The following KIDINS220 variants were observed in gnomAD, a reference collection of about 807,000 sequenced individuals.
The protein encoded by KIDINS220 is kinase D-interacting substrate of 220 kDa.
KIDINS220 carries 63 observed loss-of-function variants against 157.6 expected under a neutral mutation model. The observed-to-expected ratio is 0.40, with a 90% confidence interval of 0.33 to 0.49. The LOEUF (loss-of-function observed/expected upper bound fraction) is 0.49, where lower values mean the gene tolerates loss of function less well. KIDINS220 is among the 20% of genes least tolerant of loss of function. KIDINS220 has a pLI of 0.66. For synonymous variants in KIDINS220, 732 were observed against 783.6 expected, an observed-to-expected ratio of 0.93 and a Z score of 1.10; for missense variants, 1,772 against 2,171.2, an observed-to-expected ratio of 0.82 and a Z score of 3.65.
intron 6 of KIDINS220, among the ~76,000 whole-genome samples, chr2:8,809,205 G>A (rs1487392638): frequency 6.6e-6 from 1 of 152,120 alleles, no homozygotes; most frequent in East Asian, 1.9e-4. Context: ...ATTTTTAGTA[G>A]AGATGGGGTT....
At chr2:8,751,384 G>T in intron 23 of KIDINS220, 82 bp downstream of exon 23, 2 of 1,211,852 alleles carry the variant, frequency 1.7e-6, no homozygotes, top group Non-Finnish European at 2.4e-6. Context: ...CATAGAGCAG[G>T]AGAAATGTAC....
intron 22 of KIDINS220, among the ~76,000 whole-genome samples, chr2:8,763,506 G>A (rs9789725): frequency 0.038 from 5,789 of 152,284 alleles, 212 homozygotes; most frequent in East Asian, 0.15. Flanking sequence ...AATGTGATAA[G>A]CTAGGTAAAG....
chr2:8,767,643 T>C (rs1315469187), intron 22 of KIDINS220, among the ~76,000 whole-genome samples: 3 of 151,496 alleles, frequency 2.0e-5, no homozygotes, highest in Non-Finnish European at 4.4e-5. Context: ...ACCCAGAAAA[T>C]GATGGAGAGA....
chr2:8,828,161 C>G (rs1480396195), intron 1 of KIDINS220, among the ~76,000 whole-genome samples: 2 of 152,194 alleles, frequency 1.3e-5, no homozygotes, highest in Non-Finnish European at 2.9e-5. Flanking sequence ...CCTACCACCC[C>G]CTCTCACCCT....
chr2:8,748,749 A>G (rs1263920424), intron 24 of KIDINS220, among the ~76,000 whole-genome samples: 1 of 152,190 alleles, frequency 6.6e-6, no homozygotes, highest in East Asian at 1.9e-4. Flanking sequence ...TTTTAACACT[A>G]AAAAATCTCA....
chr2:8,751,426 G>A (rs374689815), intron 23 of KIDINS220, 40 bp downstream of exon 23: 11 of 1,508,564 alleles, frequency 7.3e-6, no homozygotes, highest in Non-Finnish European at 1.0e-5. Context: ...AAAATTCTTA[G>A]AACTTTAGAT....
chr2:8,811,160 C>T lies in KIDINS220; in HGVS notation c.504+1235G>A, dbSNP rs116289732. Among the ~76,000 whole-genome samples, 420 of 152,108 alleles carry T rather than the reference C, an allele frequency of 2.8e-3. 3 individuals carry two copies. The highest frequency in any genetic ancestry group is 9.6e-3 in the African/African-American group (399 of 41,474). ...TTATGCACAGAATCTATTTCAATGA[C>T]GAAAAACAAATCTTTAAGTAATAGC... On this transcript the variant is annotated intron_variant, in intron 6 of 29. Coordinates refer to ENST00000256707, the MANE Select transcript of KIDINS220 (RefSeq NM_020738.4).
intron 22 of KIDINS220, among the ~76,000 whole-genome samples, chr2:8,752,395 G>A (rs1413544244): frequency 1.3e-5 from 2 of 152,016 alleles, no homozygotes; most frequent in South Asian, 2.1e-4. Context: ...CAATGAGTAC[G>A]GCCAGAATTC....
intron 7 of KIDINS220, among the ~76,000 whole-genome samples, chr2:8,804,291 T>C (rs1042234628): frequency 3.9e-5 from 6 of 152,240 alleles, no homozygotes; most frequent in African/African-American, 1.4e-4. Context: ...CAAGATCTGG[T>C]ACTGTCTCTT....
At chr2:8,784,002 A>C (rs1397437216) in intron 17 of KIDINS220, among the ~76,000 whole-genome samples, 1 of 152,176 alleles carries the variant, frequency 6.6e-6, no homozygotes, top group African/African-American at 2.4e-5. Context: ...GAGGACTGAC[A>C]CTACCCAACT....
chr2:8,741,872 T>C (rs1195782418), intron 26 of KIDINS220, among the ~76,000 whole-genome samples: 1 of 152,182 alleles, frequency 6.6e-6, no homozygotes, highest in Non-Finnish European at 1.5e-5. Context: ...TCAAACAGAA[T>C]AGTACAAATC....
rs1360344635 is a variant in KIDINS220, at chr2:8,787,239, T to C, written c.1788-882A>G. Among the ~76,000 whole-genome samples the C allele has an allele frequency of 3.3e-5, 5 of 152,110 alleles. No homozygotes were observed. In the Middle Eastern group the frequency reaches 0.014, roughly 414 times the overall value. ...CCTTTTCTTAATACTTAATTCTCTA[T>C]GCTAGTTACTTAAAAGTTTTTACCT... On this transcript the variant is annotated intron_variant, in intron 15 of 29. Transcript: ENST00000256707.
intron 22 of KIDINS220, among the ~76,000 whole-genome samples, chr2:8,769,759 A>C (rs1270114247): frequency 6.6e-6 from 1 of 152,216 alleles, no homozygotes; most frequent in African/African-American, 2.4e-5. Flanking sequence ...AAAACGAATC[A>C]TGCATCTCAC....
At chr2:8,801,846 A>C (rs1558452373) in intron 8 of KIDINS220, among the ~76,000 whole-genome samples, 1 of 152,190 alleles carries the variant, frequency 6.6e-6, no homozygotes. Context: ...AGTTGAGGCC[A>C]CAGTGAGCTG....
downstream of KIDINS220, chr2:8,724,909 G>A (rs923871164): frequency 6.6e-6 from 1 of 152,274 alleles, no homozygotes. The surrounding 1 kb of genome is among the most constrained non-coding windows in gnomAD (Gnocchi z 4.6). Context: ...TGGGATTATA[G>A]GCGTGAGCCA....
At chr2:8,818,478 C>G (rs1677424122) in intron 3 of KIDINS220, among the ~76,000 whole-genome samples, 2 of 152,018 alleles carry the variant, frequency 1.3e-5, no homozygotes, top group African/African-American at 4.8e-5. Flanking sequence ...TTCAGCCAGT[C>G]TCATCCATAT....
At position 8,778,947 on chromosome 2, in the gene KIDINS220, A is replaced by T; in HGVS notation, c.2563T>A (p.Phe855Ile). The stretch of plus-strand genomic sequence containing the variant: ...CCATTTGTTGCTGAAGTTACGAGAA[A>T]TTTTCTTGCATTGCTTAGTCCACGA... ...NSRGLSNARKFLVTSATNGDV... is the reference protein window; with the variant it reads ...NSRGLSNARKILVTSATNGDV... The change falls in exon 19 of 30, where the codon TTT (phenylalanine) becomes ATT (isoleucine). Residue 855 changes from phenylalanine (F) to isoleucine (I), a missense_variant. By Grantham distance (21) the Phe-to-Ile change is conservative. Transcript: ENST00000256707. 6.2e-7 allele frequency: 1 copy of T among 1,614,108 alleles called. No individual in the cohort carries two copies. Among genetic ancestry groups the T allele is most frequent in the Non-Finnish European group, 8.5e-7 (1 of 1,180,006 alleles).
At position 8,788,610 on chromosome 2, in the gene KIDINS220, T is replaced by G. The variant is rs763707327; in HGVS notation, c.1787+37A>C. ...AGTGAAAAATATTTTTTTCTGAATC[T>G]CATTGAAGATTTCTTCTGTCAAATG... is the stretch of plus-strand genomic sequence containing the variant. On this transcript the variant is annotated intron_variant, in intron 15 of 29. Transcript: ENST00000256707. The G allele has an allele frequency of 5.7e-6, 9 of 1,584,126 alleles. No homozygotes were observed. The Admixed American group carries it at 1.6e-4, about 29-fold the overall frequency.
At chr2:8,744,391 ATATATATAT>A (rs1558328467) in intron 26 of KIDINS220, among the ~76,000 whole-genome samples, 398 of 27,264 alleles carry the variant, frequency 0.015, 42 homozygotes, top group East Asian at 0.055. Flanking sequence ...AAAAAAAAAT[ATATATATAT>A]AATATATATA....
Sources: gnomAD v4.1 joint callset for allele counts (sites outside exome capture counted in the v4.1 genomes callset) on GRCh38, gnomAD v4.1.1 for gene constraint, Gnocchi (gnomAD v3.1) non-coding constraint, MANE v1.5 for transcripts, NCBI Gene and HGNC (gene_info 2026-07-23, HGNC 2026-07-21) for gene names.